The following TTN variants were observed in gnomAD, a reference collection of about 807,000 sequenced individuals.
TTN encodes the protein titin.
A neutral mutation model predicts 3,223.0 loss-of-function variants in TTN; 1,525 were observed. That is an observed-to-expected ratio of 0.47 (90% CI 0.45 to 0.49). The LOEUF is 0.49. Among genes scored for constraint, TTN ranks in the 20% least tolerant of loss-of-function variants. The pLI, the probability that TTN is intolerant of heterozygous loss-of-function variation, is 0.00. For missense variants in TTN, 40,786 were observed against 43,424.0 expected (o/e 0.94, Z 5.40); for synonymous variants, 14,094 against 15,161.0 (o/e 0.93, Z 5.17).
chr2:178,735,797 G>T lies in TTN; in HGVS notation c.14649C>A (p.Ile4883=). The change falls in exon 50 of 363, where the codon ATC becomes ATA. Residue 4883 remains isoleucine (I), a synonymous_variant. Coordinates refer to ENST00000589042, the MANE Select transcript of TTN (RefSeq NM_001267550.2). ...FGADICQAEL[I]IIDKPHFIKE... is the part of the protein sequence containing the mutation. ...TAATGAAATGTGGCTTATCAATGAT[G>T]ATCAACTCTGCTTGGCAGATGTCTG... is the stretch of plus-strand genomic sequence containing the variant. 6.2e-7 allele frequency: 1 copy of T among 1,613,722 alleles called. No individual in the cohort carries two copies. The highest frequency in any genetic ancestry group is 2.2e-5 in the East Asian group (1 of 44,810).
At position 178,671,130 on chromosome 2, in the gene TTN, C is replaced by A; in HGVS notation, c.35268G>T (p.Pro11756=). The change falls in exon 156 of 363, where the codon CCG becomes CCT. Residue 11756 remains proline (P), a synonymous_variant. Transcript: ENST00000589042. ...CTTTTCGAGGAACAACTTTAGTGGGCGGTTTTTTTGGAGGGATGATTTTCT... is the reference window on the plus strand; with the variant it reads ...CTTTTCGAGGAACAACTTTAGTGGGAGGTTTTTTTGGAGGGATGATTTTCT... ...ISEKIIPPKK[P]PTKVVPRKEP... 1.9e-6 allele frequency: 3 copies of A among 1,602,966 alleles called. No homozygotes were observed. In the South Asian group the frequency reaches 3.4e-5, roughly 18 times the overall value.
rs371719028 is a variant in TTN at position 178,592,801 on chromosome 2, T to C, written c.59318A>G (p.Glu19773Gly). 193 of 1,613,456 alleles carry C rather than the reference T, an allele frequency of 1.2e-4. No homozygotes were observed. In the African/African-American group the frequency reaches 2.5e-3, roughly 21 times the overall value. ...AAGCCTGTCTTTTACTAGGACTGGC[T>C]CCGGAACATGAGCTGGATCTGATTC... ...AGESDPAHVP[E>G]PVLVKDRLEP... The change falls in exon 300 of 363, where the codon GAG becomes GGG. Residue 19773 changes from glutamate to glycine, a missense_variant. By Grantham distance (98) the Glu-to-Gly change is moderately conservative. Transcript: ENST00000589042.
In TTN at chr2:178,537,509, C is replaced by T. The variant is rs1271698749; in HGVS notation, c.99698G>A (p.Gly33233Asp). ...RPVPAMTWFH[G>D]QKLLQNSENI... ...TTCTGAGTTTTGCAAAAGTTTCTGA[C>T]CATGGAACCAAGTCATGGCAGGTAC... The change falls in exon 355 of 363, where the codon GGT becomes GAT. Residue 33233 changes from glycine (G) to aspartate (D), a missense_variant. Coordinates refer to ENST00000589042, the MANE Select transcript of TTN (RefSeq NM_001267550.2). 6.2e-7 allele frequency: 1 copy of T among 1,613,690 alleles called. No individual in the cohort carries two copies.
intron 47 of TTN, chr2:178,746,675 A>G: frequency 3.1e-6 from 5 of 1,613,326 alleles, no homozygotes; most frequent in Non-Finnish European, 4.2e-6. Context: ...AATGTTAGAA[A>G]TTTCCAGTGA....
At position 178,561,982 on chromosome 2, in the gene TTN, TATAGTA is replaced by T. The variant is rs1703847285; in HGVS notation, c.84144_84149del (p.Thr28049_Ile28050del). ...GAGGTCCTGGTCTGTCAAGGACAAT[TATAGTA>T]ATAGGAACTGTTATGGATCCAGCAC... is the stretch of plus-strand genomic sequence containing the variant. On this transcript the variant is annotated inframe_deletion, in exon 326 of 363. Transcript: ENST00000589042. 2 of 1,613,376 alleles carry T rather than the reference TATAGTA, an allele frequency of 1.2e-6. No individual in the cohort carries two copies. The highest frequency in any genetic ancestry group is 1.1e-5 in the South Asian group (1 of 91,060).
chr2:178,672,845 C>T (rs951216334), intron 152 of TTN, 142 bp from the exon 153 acceptor site: 3 of 587,922 alleles, frequency 5.1e-6, no homozygotes, highest in Admixed American at 3.3e-5. Context: ...ATTTTAGAGG[C>T]AATAAAGATA....
rs1385458187 is a variant in TTN, at chr2:178,663,515, C to G, written c.36534G>C (p.Val12178=). 8.7e-6 allele frequency: 14 copies of G among 1,612,894 alleles called. No homozygotes were observed. Among genetic ancestry groups the G allele is most frequent in the Non-Finnish European group, 1.2e-5 (14 of 1,179,604 alleles). The change falls in exon 172 of 363, where the codon GTG becomes GTC. Residue 12178 remains valine, a splice_region_variant and synonymous_variant. Transcript: ENST00000589042. ...PKEPEVPPVK[V]PEAPKEVVPE... is the part of the protein sequence containing the mutation. ...GAACAACTTCTTTGGGAGCCTCAGG[C>G]ACTTGAAAGATATTAGTGAAATTAC... is the stretch of plus-strand genomic sequence containing the variant.
chr2:178,563,795 G>A lies in TTN; in HGVS notation c.82337C>T (p.Ala27446Val), dbSNP rs780558473. ...PGNEYIFRVMAVNKYGIGEPL... is the reference protein window; with the variant it reads ...PGNEYIFRVMVVNKYGIGEPL... Reference sequence around the variant, plus strand: ...CTCTCCAATTCCATATTTATTCACAGCCATGACACGGAAAATGTACTCATT... The same window carrying A: ...CTCTCCAATTCCATATTTATTCACAACCATGACACGGAAAATGTACTCATT... The change falls in exon 326 of 363, where the codon GCT becomes GTT. Residue 27446 changes from alanine to valine, a missense_variant. Physicochemically the swap from Ala to Val is moderately conservative, Grantham distance 64. Coordinates refer to ENST00000589042, the MANE Select transcript of TTN (RefSeq NM_001267550.2). This position sits in a 1 kb window ranked among gnomAD's most constrained non-coding sequence, Gnocchi z 4.5. The A allele has an allele frequency of 5.6e-6, 9 of 1,613,688 alleles. No individual in the cohort carries two copies. In the Middle Eastern group the frequency reaches 5.0e-4, roughly 89 times the overall value.
intron 307 of TTN, 115 bp downstream of exon 307, chr2:178,587,003 T>C (rs2049150843): frequency 2.1e-6 from 3 of 1,422,040 alleles, no homozygotes; most frequent in African/African-American, 2.9e-5. Context: ...TATTACACTA[T>C]TTCGGTCTCT....
Position 178,697,028 on chromosome 2 carries a change from A to G in TTN, c.30802+93T>C, listed in dbSNP as rs141547254. ...AGCAGAGGAGACTCCACAACTTTCA[A>G]TAAGTTGGAAGCCTAATATTTAAAA... On this transcript the variant is annotated intron_variant, in intron 113 of 362. Transcript: ENST00000589042. 172 of 1,163,004 alleles carry G rather than the reference A, an allele frequency of 1.5e-4. No homozygotes were observed. In the African/African-American group the frequency reaches 2.3e-3, roughly 16 times the overall value. 72.0% of individuals were successfully genotyped at this position (1,163,004 alleles called of 1,614,324 possible). A position where few individuals can be genotyped will look rare whatever the true frequency, so the allele number is the denominator to read the frequency against.
Position 178,574,350 on chromosome 2 carries a change from G to A in TTN, c.71782C>T (p.Pro23928Ser), listed in dbSNP as rs1161952836. 2 of 1,613,538 alleles carry A rather than the reference G, an allele frequency of 1.2e-6. No individual in the cohort carries two copies. Among genetic ancestry groups the A allele is most frequent in the South Asian group, 2.2e-5 (2 of 91,066 alleles). Reference sequence around the variant, plus strand: ...ATATTTAGAGGTACTGGTTTTCCAGGTGGGTCAATGGGATCCAGAGCCAAC... The same window carrying A: ...ATATTTAGAGGTACTGGTTTTCCAGATGGGTCAATGGGATCCAGAGCCAAC... The part of the protein sequence containing the change: ...PMLALDPIDP[P>S]GKPVPLNITR... The change falls in exon 326 of 363, where the codon CCT (proline) becomes TCT (serine). Residue 23928 changes from proline (P) to serine (S), a missense_variant. Coordinates refer to ENST00000589042, the MANE Select transcript of TTN (RefSeq NM_001267550.2).
chr2:178,652,360 T>C lies in TTN; in HGVS notation c.39128-13A>G, dbSNP rs2063168429. The C allele has an allele frequency of 1.9e-6, 3 of 1,613,500 alleles. No individual in the cohort carries two copies. Among genetic ancestry groups the C allele is most frequent in the Non-Finnish European group, 2.5e-6 (3 of 1,179,648 alleles). ...GGAGCCTCAGGCACTTGAAAGATAA[T>C]AGTGAAATTACATTTAGGCATTATG... On this transcript the variant is annotated splice_polypyrimidine_tract_variant and intron_variant, in intron 202 of 362. Transcript: ENST00000589042.
At position 178,599,259 on chromosome 2, in the gene TTN, G is replaced by A. The variant is rs371571153; in HGVS notation, c.56534C>T (p.Thr18845Met). Reference protein sequence around the residue: ...VSSEPKECTYTIPKLLEGHEY... With the variant: ...VSSEPKECTYMIPKLLEGHEY... ...ATGGCCTTCTAGCAATTTGGGAATC[G>A]TGTACGTGCACTCCTTAGGTTCACT... is the stretch of plus-strand genomic sequence containing the variant. Residue 18845 changes from threonine (T) to methionine (M), a missense_variant, in exon 290 of 363, where the codon ACG becomes ATG. Coordinates refer to ENST00000589042, the MANE Select transcript of TTN (RefSeq NM_001267550.2). 2.7e-5 allele frequency: 42 copies of A among 1,574,962 alleles called. No individual in the cohort carries two copies. The East Asian group carries it at 5.2e-4, about 19-fold the overall frequency.
At position 178,549,171 on chromosome 2, in the gene TTN, C is replaced by T. The variant is rs368511235; in HGVS notation, c.92455G>A (p.Val30819Ile). ...ISRLIKCREP[V>I]NPPGPPTVVK... ...ACTGTGGGAGGACCTGGTGGGTTGA[C>T]GGGCTCTCTACATTTAATGAGTCTT... The change falls in exon 339 of 363, where the codon GTC (valine) becomes ATC (isoleucine). Residue 30819 changes from valine to isoleucine, a missense_variant. By Grantham distance (29) the Val-to-Ile change is conservative (BLOSUM62 3). Transcript: ENST00000589042. 2.5e-5 allele frequency: 41 copies of T among 1,613,632 alleles called. No individual in the cohort carries two copies. Among genetic ancestry groups the T allele is most frequent in the African/African-American group, 6.7e-5 (5 of 74,914 alleles).
Position 178,756,576 on chromosome 2 carries a change from G to A in TTN, c.10900C>T (p.His3634Tyr). Residue 3634 changes from histidine (H) to tyrosine (Y), a missense_variant, in exon 46 of 363, where the codon CAT becomes TAT. Coordinates refer to ENST00000589042, the MANE Select transcript of TTN (RefSeq NM_001267550.2). ...GCAATTTGTGAAAGGGATGCAGTAT[G>A]GCACAACTGTGTATCTTGAACAGAT... ...AASVQDTQLC[H>Y]TASLSQIAES... 6.2e-7 allele frequency: 1 copy of A among 1,612,010 alleles called. No individual in the cohort carries two copies. Among genetic ancestry groups the A allele is most frequent in the Non-Finnish European group, 8.5e-7 (1 of 1,178,644 alleles).
Position 178,722,462 on chromosome 2 carries a change from A to T in TTN, c.22325T>A (p.Leu7442Ter). The T allele has an allele frequency of 6.2e-7, 1 of 1,613,472 alleles. No homozygotes were observed. The highest frequency in any genetic ancestry group is 8.5e-7 in the Non-Finnish European group (1 of 1,179,544). ...VGLPVTLTCR[L>*]NGSAPIQVCW... Reference sequence around the variant, plus strand: ...CACTTGGATGGGTGCAGAGCCATTTAATCGACAAGTGAGTGTAACAGGTAA... The same window carrying T: ...CACTTGGATGGGTGCAGAGCCATTTTATCGACAAGTGAGTGTAACAGGTAA... Residue 7442 changes from leucine to a stop codon, truncating the protein, a stop_gained, in exon 77 of 363, where the codon TTA (leucine) becomes TAA (stop). Transcript: ENST00000589042. LOFTEE classifies it high-confidence loss of function.
chr2:178,632,772 T>C lies in TTN; in HGVS notation c.43234A>G (p.Thr14412Ala), dbSNP rs185007509. 1.2e-6 allele frequency: 2 copies of C among 1,613,012 alleles called. No homozygotes were observed. The highest frequency in any genetic ancestry group is 4.5e-5 in the East Asian group (2 of 44,792). Residue 14412 changes from threonine (T) to alanine (A), a missense_variant, in exon 235 of 363, where the codon ACA becomes GCA. Physicochemically the swap from Thr to Ala is moderately conservative, Grantham distance 58. Coordinates refer to ENST00000589042, the MANE Select transcript of TTN (RefSeq NM_001267550.2). ...AAGACTTTAACATCACTGAGAGGTG[T>C]GATGAAGATAAGAGGCAATTCTGAA... is the stretch of plus-strand genomic sequence containing the variant. ...KVKELPLIFI[T>A]PLSDVKVFEK...
chr2:178,563,957 T>A lies in TTN; in HGVS notation c.82175A>T (p.Asn27392Ile). The change falls in exon 326 of 363, where the codon AAC (asparagine) becomes ATC (isoleucine). Residue 27392 changes from asparagine to isoleucine, a missense_variant. Coordinates refer to ENST00000589042, the MANE Select transcript of TTN (RefSeq NM_001267550.2). The surrounding 1 kb of genome is among the most constrained non-coding windows in gnomAD (Gnocchi z 4.5). ...VTAEKCYLAW[N>I]PPLQDGGANI... ...AGCACCACCATCTTGCAAAGGTGGG[T>A]TCCATGCCAGGTAACATTTTTCCGC... The A allele has an allele frequency of 6.2e-7, 1 of 1,613,664 alleles. No individual in the cohort carries two copies. The highest frequency in any genetic ancestry group is 8.5e-7 in the Non-Finnish European group (1 of 1,179,714).
Position 178,564,261 on chromosome 2 carries a change from C to G in TTN, c.81871G>C (p.Glu27291Gln). ...YKDVIVVHAG[E>Q]TFVLEADIRG... The stretch of plus-strand genomic sequence containing the variant: ...ATGTCGGCTTCAAGAACAAAAGTCT[C>G]TCCTGCATGAACAACGATGACATCT... Residue 27291 changes from glutamate to glutamine, a missense_variant, in exon 326 of 363, where the codon GAG becomes CAG. By Grantham distance (29) the Glu-to-Gln change is conservative. Transcript: ENST00000589042. The G allele has an allele frequency of 1.9e-6, 3 of 1,613,290 alleles. No homozygotes were observed. The highest frequency in any genetic ancestry group is 1.1e-5 in the South Asian group (1 of 91,084).
Sources: allele counts gnomAD v4.1 joint callset, GRCh38; gene constraint gnomAD v4.1.1; non-coding constraint Gnocchi (gnomAD v3.1); transcripts MANE v1.5; gene names NCBI Gene and HGNC (gene_info 2026-07-23, HGNC 2026-07-21).